Variants in LIAT1 observed in about 807,000 individuals in gnomAD.
The protein encoded by LIAT1 is ligand of ATE1.
the LIAT1 span, among the ~76,000 whole-genome samples, chr17:411,659 GTCTC>G: frequency 1.1e-4 from 16 of 152,094 alleles, no homozygotes; most frequent in Admixed American, 7.9e-4. Context: ...AGGAATTGCA[GTCTC>G]TCTCAGGGAC....
chr17:413,462 C>T, the LIAT1 span: 1 of 1,602,050 alleles, frequency 6.2e-7, no homozygotes. Flanking sequence ...GGGCTTCCAC[C>T]CCGACCCCGA....
the LIAT1 span, among the ~76,000 whole-genome samples, chr17:412,848 T>C: frequency 2.0e-5 from 3 of 152,214 alleles, no homozygotes; most frequent in Non-Finnish European, 4.4e-5. Flanking sequence ...GCTCATGACA[T>C]TGGCAAGTTC....
At chr17:410,400 A>T in the LIAT1 span, 4 of 1,529,148 alleles carry the variant, frequency 2.6e-6, no homozygotes, top group Non-Finnish European at 3.5e-6. Context: ...ATTAGTCGGC[A>T]TCGGGCCTCG....
At chr17:413,099 C>G in the LIAT1 span, 2 of 1,589,336 alleles carry the variant, frequency 1.3e-6, no homozygotes, top group Non-Finnish European at 1.7e-6. Flanking sequence ...CCCCAGCAGG[C>G]CAAGGTCAGA....
chr17:410,663 G>A, the LIAT1 span: 5 of 1,536,750 alleles, frequency 3.3e-6, no homozygotes, highest in Admixed American at 2.0e-5. Flanking sequence ...GGAGCAGCTA[G>A]CCCGGCTGCG....
At chr17:413,240 G>A in the LIAT1 span, 1 of 1,614,200 alleles carries the variant, frequency 6.2e-7, no homozygotes, top group Non-Finnish European at 8.5e-7. Flanking sequence ...CCCGAAACCA[G>A]AGCACAGACA....
the LIAT1 span, chr17:410,531 G>A: frequency 1.3e-6 from 2 of 1,545,782 alleles, no homozygotes; most frequent in Non-Finnish European, 8.7e-7. Context: ...GCGGCGCCGC[G>A]GGCCCGCGGG....
the LIAT1 span, chr17:413,421 G>A: frequency 4.3e-6 from 7 of 1,613,974 alleles, no homozygotes; most frequent in African/African-American, 1.3e-5. Context: ...AAACTGAATC[G>A]GAGAAAACGG....
chr17:414,442 T>A, the LIAT1 span: 375 of 275,750 alleles, frequency 1.4e-3, 2 homozygotes, highest in African/African-American at 7.8e-3. The surrounding 1 kb of genome is among the most constrained non-coding windows in gnomAD (Gnocchi z 4.1). Context: ...ATGATTTACC[T>A]CTTAAGTCTC....
At chr17:411,418 G>A in the LIAT1 span, among the ~76,000 whole-genome samples, 1 of 152,056 alleles carries the variant, frequency 6.6e-6, no homozygotes, top group African/African-American at 2.4e-5. Flanking sequence ...CCTGTAATCC[G>A]AGCACTTTGG....
chr17:414,191 A>AAGATAC, the LIAT1 span: 1 of 1,504,484 alleles, frequency 6.6e-7, no homozygotes, highest in African/African-American at 1.4e-5. The surrounding 1 kb of genome is among the most constrained non-coding windows in gnomAD (Gnocchi z 4.1). Context: ...ATCATCATAA[A>AAGATAC]AGGAAATGAG....
the LIAT1 span, chr17:413,149 T>C: frequency 1.2e-6 from 2 of 1,613,734 alleles, no homozygotes; most frequent in East Asian, 2.2e-5. Context: ...ACTCAGCAGA[T>C]AAACATCAGA....
the LIAT1 span, chr17:410,593 A>G: frequency 2.0e-5 from 31 of 1,545,688 alleles, no homozygotes; most frequent in Non-Finnish European, 2.3e-5. Flanking sequence ...GCCAAACGGA[A>G]GGTGAAGAAG....
the LIAT1 span, chr17:413,989 G>A: frequency 3.5e-5 from 57 of 1,614,042 alleles, 1 homozygote; most frequent in South Asian, 1.1e-4. Flanking sequence ...CCTACCTCTC[G>A]GACAAAGATG....
the LIAT1 span, chr17:414,229 G>A: frequency 2.0e-5 from 26 of 1,331,544 alleles, no homozygotes; most frequent in South Asian, 8.6e-5. The surrounding 1 kb of genome is among the most constrained non-coding windows in gnomAD (Gnocchi z 4.1). Flanking sequence ...ACAGATGTTC[G>A]GTACACGGAC....
chr17:413,884 C>G, the LIAT1 span: 1 of 1,599,470 alleles, frequency 6.3e-7, no homozygotes, highest in Non-Finnish European at 8.5e-7. Context: ...GCTTCCACCC[C>G]GACCCCGAGG....
At chr17:410,501 CGAG>C in the LIAT1 span, 7 of 1,544,496 alleles carry the variant, frequency 4.5e-6, no homozygotes, top group Admixed American at 9.8e-5. Context: ...ACAACGACGG[CGAG>C]GAGGAGGAGC....
the LIAT1 span, chr17:413,344 C>T: frequency 2.5e-4 from 399 of 1,614,240 alleles, no homozygotes; most frequent in African/African-American, 3.9e-3. Flanking sequence ...ATCGGATCAA[C>T]GAAAGTCTGC....
At chr17:414,138 A>C in the LIAT1 span, 1 of 1,602,638 alleles carries the variant, frequency 6.2e-7, no homozygotes, top group Admixed American at 1.7e-5. The surrounding 1 kb of genome is among the most constrained non-coding windows in gnomAD (Gnocchi z 4.1). Context: ...GACGCTCACA[A>C]ACTTATAATT....
Sources: gnomAD v4.1 joint callset for allele counts (sites outside exome capture counted in the v4.1 genomes callset) on GRCh38, gnomAD v4.1.1 for gene constraint, Gnocchi (gnomAD v3.1) non-coding constraint, MANE v1.5 for transcripts, NCBI Gene and HGNC (gene_info 2026-07-23, HGNC 2026-07-21) for gene names.